Variants in COL4A5 observed in about 807,000 individuals in gnomAD.
COL4A5 encodes collagen alpha-5(IV) chain.
Under a neutral mutation model 130.2 loss-of-function variants are expected in COL4A5, and 26 were observed. The observed-to-expected ratio is 0.20, with a 90% CI of 0.15 to 0.28. The LOEUF (loss-of-function observed/expected upper bound fraction) is 0.28. COL4A5 is among the 10% of genes least tolerant of loss of function. The pLI is 1.00. For synonymous variants in COL4A5, 496 were observed against 439.6 expected (o/e 1.13, Z -1.60); for missense variants, 1,131 against 1,344.3 (o/e 0.84, Z 2.48).
At position 108,681,833 on chromosome X, in the gene COL4A5, T is replaced by C; in HGVS notation, c.4161T>C (p.Pro1387=). The C allele has an allele frequency of 1.7e-6, 2 of 1,210,224 alleles. No individual in the cohort carries two copies. Among genetic ancestry groups the C allele is most frequent in the East Asian group, 3.0e-5 (1 of 33,803 alleles). ...GAGATGCTGGTCCTCCAGGAATCCC[T>C]GGCCAGCCTGGGCTAAAGGGTCTAC... is the stretch of plus-strand genomic sequence containing the variant. The part of the protein sequence containing the change: ...IKGDAGPPGI[P]GQPGLKGLPG... Residue 1387 remains proline (P), a synonymous_variant, in exon 47 of 53, where the codon CCT becomes CCC. Coordinates refer to ENST00000328300, the MANE Select transcript of COL4A5 (RefSeq NM_033380.3).
intron 36 of COL4A5, among the ~76,000 whole-genome samples, chrX:108,653,315 A>C (rs1603306317): frequency 9.3e-6 from 1 of 108,015 alleles, no homozygotes; most frequent in Non-Finnish European, 1.9e-5. Context: ...ACATTCCAAG[A>C]CCCCCCGTTG....
chrX:108,670,847 G>A (rs189915484), intron 42 of COL4A5, among the ~76,000 whole-genome samples: 40 of 110,780 alleles, frequency 3.6e-4, no homozygotes, highest in Middle Eastern at 4.7e-3. Flanking sequence ...TTCAAGACTC[G>A]CCTGACCAAT....
intron 36 of COL4A5, among the ~76,000 whole-genome samples, chrX:108,643,685 A>G (rs2067514375): frequency 8.9e-6 from 1 of 112,046 alleles, no homozygotes; most frequent in African/African-American, 3.2e-5. Flanking sequence ...CGCCACTACC[A>G]AGCCACCACA....
intron 1 of COL4A5, among the ~76,000 whole-genome samples, chrX:108,459,865 T>C (rs1386927246): frequency 8.9e-6 from 1 of 112,634 alleles, no homozygotes; most frequent in East Asian, 2.8e-4. Flanking sequence ...AATTTACTAT[T>C]ACTTTATTTT....
chrX:108,586,421 C>G (rs750257336), intron 18 of COL4A5, among the ~76,000 whole-genome samples, 194 bp from the exon 19 acceptor site: 10 of 111,162 alleles, frequency 9.0e-5, no homozygotes, highest in South Asian at 7.6e-4. Context: ...GCTTCGGGCT[C>G]AGGAACATGG....
chrX:108,560,776 A>G (rs1169380374), intron 3 of COL4A5, among the ~76,000 whole-genome samples: 1 of 112,266 alleles, frequency 8.9e-6, no homozygotes, highest in Non-Finnish European at 1.9e-5. Context: ...AGAAGAGTGC[A>G]CACAGTTCTG....
chrX:108,696,140 T>A, intron 52 of COL4A5, 157 bp from the exon 53 acceptor site: 1 of 492,155 alleles, frequency 2.0e-6, no homozygotes, highest in Admixed American at 2.9e-5. Flanking sequence ...TAAACCATAC[T>A]AGTCACTGCA....
chrX:108,490,110 A>G (rs771609299), intron 1 of COL4A5, among the ~76,000 whole-genome samples: 18 of 111,695 alleles, frequency 1.6e-4, no homozygotes, highest in Middle Eastern at 9.3e-3. Context: ...CTGCCACTCT[A>G]TATTCAGATT....
intron 9 of COL4A5, among the ~76,000 whole-genome samples, chrX:108,575,312 T>C (rs1036866812): frequency 1.8e-5 from 2 of 111,907 alleles, no homozygotes; most frequent in African/African-American, 6.5e-5. Flanking sequence ...CCCTTCTCAT[T>C]GGTAGCATAA....
intron 1 of COL4A5, among the ~76,000 whole-genome samples, chrX:108,470,777 T>A (rs553201414): frequency 2.1e-3 from 240 of 111,755 alleles, no homozygotes; most frequent in Non-Finnish European, 4.0e-3. Flanking sequence ...TATAGTTTGA[T>A]GTGCTACATT....
Position 108,627,270 on chromosome X carries a change from G to GA in COL4A5, c.3246+921_3246+922insA, listed in dbSNP as rs1311411132. ...TTAAAAAATAATATAGACATATTAA[G>GA]GGTAAGAGTGAAAATCTTCTTCATG... is the stretch of plus-strand genomic sequence containing the variant. On this transcript the variant is annotated intron_variant, in intron 36 of 52. Coordinates refer to ENST00000328300, the MANE Select transcript of COL4A5 (RefSeq NM_033380.3). 6.6e-6 allele frequency: 4 copies of GA among 601,516 alleles called. No homozygotes were observed. The African/African-American group carries it at 1.0e-4, about 15-fold the overall frequency. The allele number at this position is 601,516 out of a possible 1,213,427, so 49.6% of individuals were successfully genotyped here. A position where few individuals can be genotyped will look rare whatever the true frequency, so the allele number is the denominator to read the frequency against.
At chrX:108,539,126 T>A (rs997048438) in intron 1 of COL4A5, among the ~76,000 whole-genome samples, 2 of 111,863 alleles carry the variant, frequency 1.8e-5, no homozygotes, top group African/African-American at 6.5e-5. Context: ...GTTGTCTAGT[T>A]GCCAAGGTCA....
At chrX:108,465,031 T>C (rs1231071321) in intron 1 of COL4A5, among the ~76,000 whole-genome samples, 3 of 111,923 alleles carry the variant, frequency 2.7e-5, no homozygotes, top group African/African-American at 9.7e-5. Flanking sequence ...CCCCAAAAAG[T>C]TCCGTTTGTT....
intron 1 of COL4A5, among the ~76,000 whole-genome samples, chrX:108,472,436 A>G (rs767035832): frequency 2.7e-5 from 3 of 112,173 alleles, no homozygotes; most frequent in Non-Finnish European, 5.6e-5. Context: ...GAAGTATCCA[A>G]CAATCATTAT....
intron 1 of COL4A5, among the ~76,000 whole-genome samples, chrX:108,467,552 A>G (rs1034187787): frequency 8.9e-6 from 1 of 111,877 alleles, no homozygotes; most frequent in Non-Finnish European, 1.9e-5. Flanking sequence ...AGGCTGTTCA[A>G]TAGGGATTTC....
intron 2 of COL4A5, among the ~76,000 whole-genome samples, chrX:108,552,260 A>G (rs1374330729): frequency 8.9e-6 from 1 of 112,128 alleles, no homozygotes; most frequent in African/African-American, 3.2e-5. Flanking sequence ...ACTTTTTAAG[A>G]CTGACTTTTG....
At chrX:108,490,724 GT>G (rs758204320) in intron 1 of COL4A5, among the ~76,000 whole-genome samples, 7 of 110,951 alleles carry the variant, frequency 6.3e-5, no homozygotes, top group African/African-American at 9.8e-5. Context: ...ATGGGGGTTT[GT>G]TTTACATATT....
intron 15 of COL4A5, 27 bp from the exon 16 acceptor site, chrX:108,580,956 G>C: frequency 1.2e-5 from 14 of 1,184,412 alleles, no homozygotes; most frequent in Non-Finnish European, 1.6e-5. Flanking sequence ...GTATGTTGTT[G>C]CCCTATCATT....
intron 2 of COL4A5, among the ~76,000 whole-genome samples, chrX:108,544,788 C>T (rs2065617431): frequency 9.0e-6 from 1 of 111,170 alleles, no homozygotes; most frequent in Admixed American, 9.5e-5. Flanking sequence ...AATTTCAGAG[C>T]CTGTTATTGG....
Sources: gnomAD v4.1 joint callset for allele counts (sites outside exome capture counted in the v4.1 genomes callset) on GRCh38, gnomAD v4.1.1 for gene constraint, MANE v1.5 for transcripts, NCBI Gene and HGNC (gene_info 2026-07-23, HGNC 2026-07-21) for gene names.